Variants in KATNIP observed in about 807,000 individuals in gnomAD.
KATNIP encodes katanin interacting protein, also known as katanin-interacting protein.
In KATNIP, 126 loss-of-function variants were observed where a neutral mutation model predicts 174.0. The ratio of observed to expected loss-of-function variants is 0.72; its 90% CI spans 0.63 to 0.84. The LOEUF (loss-of-function observed/expected upper bound fraction) is 0.84, where lower values mean the gene tolerates loss of function less well. Ranked by LOEUF, KATNIP falls within the 40% of genes least tolerant of loss-of-function variation. KATNIP has a pLI of 0.00. For missense variants in KATNIP, 1,958 were observed against 2,109.7 expected, an observed-to-expected ratio of 0.93 and a Z score of 1.41; for synonymous variants, 810 against 835.7, an observed-to-expected ratio of 0.97 and a Z score of 0.53.
chr16:27,620,472 C>T (rs1218727792), intron 3 of KATNIP, among the ~76,000 whole-genome samples: 9 of 152,100 alleles, frequency 5.9e-5, no homozygotes, highest in Non-Finnish European at 8.8e-5. Context: ...GCAACTTGCC[C>T]GAGGTCTCAC....
At chr16:27,569,225 C>T (rs2090197830) in intron 1 of KATNIP, among the ~76,000 whole-genome samples, 1 of 152,158 alleles carries the variant, frequency 6.6e-6, no homozygotes, top group African/African-American at 2.4e-5. Context: ...CAGAAACTAA[C>T]ATCCAAGAAG....
intron 22 of KATNIP, among the ~76,000 whole-genome samples, chr16:27,772,106 A>G (rs770513838): frequency 1.6e-4 from 24 of 152,156 alleles, no homozygotes; most frequent in Non-Finnish European, 2.4e-4. Flanking sequence ...ATGAGACTCC[A>G]TATCTTAAAA....
intron 1 of KATNIP, among the ~76,000 whole-genome samples, chr16:27,569,261 G>A (rs1032592162): frequency 5.3e-5 from 8 of 152,190 alleles, no homozygotes; most frequent in Admixed American, 1.3e-4. Context: ...AAATGGTAGC[G>A]ATGAAGATTA....
chr16:27,658,191 A>G (rs2077358670), intron 6 of KATNIP, among the ~76,000 whole-genome samples: 1 of 152,220 alleles, frequency 6.6e-6, no homozygotes, highest in African/African-American at 2.4e-5. Flanking sequence ...TAACGTCCTT[A>G]TGTGACTATA....
intron 5 of KATNIP, among the ~76,000 whole-genome samples, chr16:27,641,997 G>A (rs919563467): frequency 5.3e-5 from 8 of 152,208 alleles, no homozygotes; most frequent in Non-Finnish European, 1.0e-4. Context: ...TCTCTTCCCC[G>A]GCTAGAAGGC....
intron 21 of KATNIP, among the ~76,000 whole-genome samples, chr16:27,770,317 C>T (rs1012786724): frequency 5.3e-5 from 8 of 152,186 alleles, no homozygotes; most frequent in African/African-American, 1.9e-4. Flanking sequence ...AAATGCCTGC[C>T]GGCCAGTTTG....
At chr16:27,773,273 C>T (rs991154729) in intron 23 of KATNIP, 64 bp downstream of exon 23, 44 of 1,140,966 alleles carry the variant, frequency 3.9e-5, no homozygotes, top group Non-Finnish European at 4.9e-5. Flanking sequence ...GGGTCGGGAA[C>T]GGGGCAGAAG....
intron 5 of KATNIP, among the ~76,000 whole-genome samples, chr16:27,634,696 C>G (rs562666770): frequency 6.6e-6 from 1 of 152,320 alleles, no homozygotes; most frequent in African/African-American, 2.4e-5. Context: ...ACATCTATCC[C>G]CCTCCTCTCC....
chr16:27,738,760 C>T (rs978789485), intron 14 of KATNIP, among the ~76,000 whole-genome samples: 1 of 152,318 alleles, frequency 6.6e-6, no homozygotes, highest in Middle Eastern at 3.4e-3. Flanking sequence ...GGTCCTCACA[C>T]GGCATCCTCC....
At chr16:27,734,077 A>G (rs1474602275) in intron 14 of KATNIP, among the ~76,000 whole-genome samples, 1 of 151,742 alleles carries the variant, frequency 6.6e-6, no homozygotes, top group Non-Finnish European at 1.5e-5. Flanking sequence ...CTTATTTATT[A>G]TTATTATTAT....
chr16:27,557,228 G>A (rs995774262), intron 1 of KATNIP, among the ~76,000 whole-genome samples: 9 of 148,238 alleles, frequency 6.1e-5, no homozygotes, highest in Non-Finnish European at 1.0e-4. Context: ...TGCATCCTCC[G>A]CCTCCCGAGT....
chr16:27,648,478 G>C, intron 5 of KATNIP, 126 bp from the exon 6 acceptor site: 1 of 1,147,426 alleles, frequency 8.7e-7, no homozygotes, highest in Non-Finnish European at 1.2e-6. Context: ...GTTGCATGCA[G>C]GCACACCACC....
intron 7 of KATNIP, chr16:27,681,090 C>T: frequency 3.2e-6 from 1 of 315,298 alleles, no homozygotes; most frequent in Non-Finnish European, 6.2e-6. Context: ...CCACAGCCTC[C>T]CAAAGCACCG....
chr16:27,621,663 G>A (rs1334224609), intron 3 of KATNIP, among the ~76,000 whole-genome samples: 1 of 151,694 alleles, frequency 6.6e-6, no homozygotes, highest in Non-Finnish European at 1.5e-5. Context: ...TCTGCAGGCT[G>A]TACAGGAAGC....
At chr16:27,765,122 G>T (rs2082078088) in intron 19 of KATNIP, among the ~76,000 whole-genome samples, 1 of 152,202 alleles carries the variant, frequency 6.6e-6, no homozygotes, top group South Asian at 2.1e-4. Context: ...GTGGAGTGGG[G>T]AAGGTTCTAG....
intron 6 of KATNIP, among the ~76,000 whole-genome samples, chr16:27,657,249 A>G (rs1045591522): frequency 2.0e-5 from 3 of 152,074 alleles, no homozygotes; most frequent in Non-Finnish European, 4.4e-5. Flanking sequence ...GTGGGAGGGG[A>G]GAGAAGGAGA....
At chr16:27,661,589 C>T (rs1172520701) in intron 6 of KATNIP, among the ~76,000 whole-genome samples, 2 of 151,518 alleles carry the variant, frequency 1.3e-5, no homozygotes, top group African/African-American at 4.9e-5. Context: ...ACGGGGGTTT[C>T]ACCATGTTGG....
intron 5 of KATNIP, among the ~76,000 whole-genome samples, chr16:27,632,804 G>A (rs1271913400): frequency 6.6e-6 from 1 of 151,880 alleles, no homozygotes; most frequent in East Asian, 1.9e-4. Context: ...TGGGTGGAGT[G>A]CAGTGGTGTG....
chr16:27,601,828 G>C (rs953920709), intron 2 of KATNIP, among the ~76,000 whole-genome samples: 3 of 152,212 alleles, frequency 2.0e-5, no homozygotes, highest in Non-Finnish European at 4.4e-5. Context: ...CAGCAGCCCT[G>C]GGGTGTGGGG....
Sources: allele counts gnomAD v4.1 joint callset (sites outside exome capture counted in the v4.1 genomes callset), GRCh38; gene constraint gnomAD v4.1.1; transcripts MANE v1.5; gene names NCBI Gene and HGNC (gene_info 2026-07-23, HGNC 2026-07-21).